The following PPP3CC variants were observed in gnomAD, a reference collection of about 807,000 sequenced individuals.
PPP3CC encodes the protein serine/threonine-protein phosphatase 2B catalytic subunit gamma isoform.
Under a neutral mutation model 60.3 loss-of-function variants are expected in PPP3CC, and 35 were observed. The ratio of observed to expected loss-of-function variants is 0.58; its 90% CI spans 0.44 to 0.77. PPP3CC has a LOEUF of 0.77. Among genes scored for constraint, PPP3CC ranks in the 30% least tolerant of loss-of-function variants. The pLI is 0.00. For synonymous variants in PPP3CC, 206 were observed against 224.3 expected, an observed-to-expected ratio of 0.92 and a Z score of 0.73; for missense variants, 570 against 628.9, an observed-to-expected ratio of 0.91 and a Z score of 1.00.
At chr8:22,508,031 A>T (rs1037043937) in intron 4 of PPP3CC, among the ~76,000 whole-genome samples, 5 of 152,216 alleles carry the variant, frequency 3.3e-5, no homozygotes, top group Non-Finnish European at 7.3e-5. Context: ...GGGCAGGAGG[A>T]TTGCTTGAGG....
At chr8:22,517,178 C>T (rs936767380) in intron 6 of PPP3CC, among the ~76,000 whole-genome samples, 1 of 152,186 alleles carries the variant, frequency 6.6e-6, no homozygotes, top group African/African-American at 2.4e-5. Context: ...TGAGGCTGAA[C>T]AAAGTGATAC....
At chr8:22,482,121 A>G (rs1838087954) in intron 3 of PPP3CC, among the ~76,000 whole-genome samples, 1 of 152,194 alleles carries the variant, frequency 6.6e-6, no homozygotes, top group Admixed American at 6.5e-5. Flanking sequence ...TGTCTTCCAC[A>G]GTGGTTGAAC....
At chr8:22,517,875 T>G (rs2117108028) in intron 6 of PPP3CC, among the ~76,000 whole-genome samples, 1 of 152,208 alleles carries the variant, frequency 6.6e-6, no homozygotes, top group East Asian at 1.9e-4. Context: ...TAAACTTTCC[T>G]TTCTTCTGCT....
chr8:22,472,567 T>C (rs1298288261), intron 1 of PPP3CC, among the ~76,000 whole-genome samples: 1 of 152,176 alleles, frequency 6.6e-6, no homozygotes, highest in Non-Finnish European at 1.5e-5. Context: ...AGGACCTGCC[T>C]GAGGCTCTTG....
At chr8:22,479,930 T>C (rs1380202250) in intron 3 of PPP3CC, among the ~76,000 whole-genome samples, 1 of 152,192 alleles carries the variant, frequency 6.6e-6, no homozygotes, top group Non-Finnish European at 1.5e-5. Flanking sequence ...CAAGTTTTAC[T>C]TAATCTCATG....
At chr8:22,468,270 A>C (rs751990350) in intron 1 of PPP3CC, among the ~76,000 whole-genome samples, 2 of 151,984 alleles carry the variant, frequency 1.3e-5, no homozygotes, top group African/African-American at 2.4e-5. Flanking sequence ...CGCCCAGCTA[A>C]CTTTTGTATT....
At chr8:22,474,751 A>T (rs1837835449) in intron 1 of PPP3CC, among the ~76,000 whole-genome samples, 1 of 152,234 alleles carries the variant, frequency 6.6e-6, no homozygotes, top group Non-Finnish European at 1.5e-5. Flanking sequence ...ACACACAAAT[A>T]TTTAAAATGA....
intron 6 of PPP3CC, among the ~76,000 whole-genome samples, chr8:22,520,078 A>G (rs1839364397): frequency 4.7e-5 from 7 of 149,594 alleles, no homozygotes; most frequent in Admixed American, 3.4e-4. Context: ...TTAAAGGGCA[A>G]TTTTGATGAG....
At chr8:22,529,941 A>G (rs1301976707) in intron 10 of PPP3CC, among the ~76,000 whole-genome samples, 1 of 152,148 alleles carries the variant, frequency 6.6e-6, no homozygotes, top group Non-Finnish European at 1.5e-5. Flanking sequence ...GAGATTCTGG[A>G]AAAGTGGTGG....
At position 22,513,282 on chromosome 8, in the gene PPP3CC, G is replaced by A; in HGVS notation, c.631-11G>A. 1 of 1,600,396 alleles carries A rather than the reference G, an allele frequency of 6.2e-7. No homozygotes were observed. The highest frequency in any genetic ancestry group is 8.5e-7 in the Non-Finnish European group (1 of 1,175,820). On this transcript the variant is annotated splice_polypyrimidine_tract_variant and intron_variant, in intron 5 of 13. Transcript: ENST00000240139. ...CTGATTTTTTTCTTTTGGCTTTTGTGTGTCTTCTAGTTAGACAGGTTTACG... is the reference window on the plus strand; with the variant it reads ...CTGATTTTTTTCTTTTGGCTTTTGTATGTCTTCTAGTTAGACAGGTTTACG...
At chr8:22,445,992 G>A (rs930495945) in intron 1 of PPP3CC, among the ~76,000 whole-genome samples, 3 of 152,000 alleles carry the variant, frequency 2.0e-5, no homozygotes, top group Non-Finnish European at 2.9e-5. Flanking sequence ...TTACCTATAC[G>A]TTATTGGTTG....
At chr8:22,470,713 C>T in intron 1 of PPP3CC, among the ~76,000 whole-genome samples, 1 of 152,136 alleles carries the variant, frequency 6.6e-6, no homozygotes, top group East Asian at 1.9e-4. Flanking sequence ...CAAAGAGATA[C>T]CGGTAGACGT....
In PPP3CC at chr8:22,481,004, A is replaced by T. The variant is rs928372326; in HGVS notation, c.372+5380A>T. 5.3e-5 allele frequency among the ~76,000 whole-genome samples: 8 copies of T among 152,230 alleles called. No individual in the cohort carries two copies. The East Asian group carries it at 1.5e-3, about 29-fold the overall frequency. ...TCAAAGATGTCAAAAGGCTCAGAAC[A>T]TCTGATCAAAACAGAATCACACAGG... On this transcript the variant is annotated intron_variant, in intron 3 of 13. Coordinates refer to ENST00000240139, the MANE Select transcript of PPP3CC (RefSeq NM_005605.5).
At chr8:22,506,220 G>T (rs755535022) in intron 4 of PPP3CC, among the ~76,000 whole-genome samples, 14 of 151,870 alleles carry the variant, frequency 9.2e-5, no homozygotes, top group Non-Finnish European at 1.5e-4. Flanking sequence ...AAGATCGCTT[G>T]AGCCCAAGAG....
chr8:22,474,161 C>G (rs1250783179), intron 1 of PPP3CC, among the ~76,000 whole-genome samples: 2 of 152,112 alleles, frequency 1.3e-5, no homozygotes, highest in Non-Finnish European at 2.9e-5. Flanking sequence ...TCCCAAAGTG[C>G]TGGGATTACA....
intron 10 of PPP3CC, 97 bp from the exon 11 acceptor site, chr8:22,532,128 C>T (rs1158448909): frequency 3.6e-6 from 3 of 824,812 alleles, no homozygotes; most frequent in Non-Finnish European, 5.6e-6. Flanking sequence ...TTTTTAAAAA[C>T]AATTGTTTCT....
chr8:22,488,484 T>C (rs1174505215), intron 3 of PPP3CC, among the ~76,000 whole-genome samples: 1 of 152,220 alleles, frequency 6.6e-6, no homozygotes, highest in African/African-American at 2.4e-5. Context: ...TGGCATTTGA[T>C]AAACAGGCTT....
chr8:22,455,211 G>T (rs938274181), intron 1 of PPP3CC, among the ~76,000 whole-genome samples: 4 of 152,100 alleles, frequency 2.6e-5, no homozygotes, highest in African/African-American at 7.2e-5. Flanking sequence ...CACATTTCTG[G>T]TTATGCTTAG....
intron 1 of PPP3CC, among the ~76,000 whole-genome samples, chr8:22,447,382 C>G (rs940098274): frequency 6.6e-6 from 1 of 151,988 alleles, no homozygotes; most frequent in East Asian, 1.9e-4. Flanking sequence ...CGGGGTTTCA[C>G]TGTGTTAGCC....
Sources: gnomAD v4.1 joint callset for allele counts (sites outside exome capture counted in the v4.1 genomes callset) on GRCh38, gnomAD v4.1.1 for gene constraint, MANE v1.5 for transcripts, NCBI Gene and HGNC (gene_info 2026-07-23, HGNC 2026-07-21) for gene names.